Variants in PCDHGB3 observed in about 807,000 individuals in gnomAD.
PCDHGB3 encodes protocadherin gamma-B3.
Under a neutral mutation model 59.2 loss-of-function variants are expected in PCDHGB3, and 40 were observed. The ratio of observed to expected loss-of-function variants is 0.68; its 90% CI spans 0.52 to 0.88. The LOEUF (loss-of-function observed/expected upper bound fraction) is 0.88. PCDHGB3 is among the 40% of genes least tolerant of loss of function. The probability of loss-of-function intolerance (pLI) is 0.00; values close to 1 mark genes in which losing one functional copy is unlikely to be tolerated. For missense variants in PCDHGB3, 1,309 were observed against 1,187.9 expected, an observed-to-expected ratio of 1.10 and a Z score of -1.50; for synonymous variants, 581 against 503.6, an observed-to-expected ratio of 1.15 and a Z score of -2.06.
Position 141,375,159 on chromosome 5 carries a change from G to A in PCDHGB3, c.2415+2350G>A, listed in dbSNP as rs1771191060. 2.5e-6 allele frequency: 4 copies of A among 1,613,862 alleles called. No individual in the cohort carries two copies. The East Asian group carries it at 8.9e-5, about 36-fold the overall frequency. ...TCTGGAAGCAGAACAATTGCTGAAA[G>A]TGCACCTCCAGGAACAGTAATCGCC... On this transcript the variant is annotated intron_variant, in intron 1 of 3. Coordinates refer to ENST00000576222, the MANE Select transcript of PCDHGB3 (RefSeq NM_018924.5).
rs1428114565 is a variant in PCDHGB3, at chr5:141,371,460, A to G, written c.1066A>G (p.Ile356Val). 6.2e-7 allele frequency: 1 copy of G among 1,614,004 alleles called. No individual in the cohort carries two copies. Among genetic ancestry groups the G allele is most frequent in the Admixed American group, 1.7e-5 (1 of 60,022 alleles). The change falls in exon 1 of 4, where the codon ATA (isoleucine) becomes GTA (valine). Residue 356 changes from isoleucine to valine, a missense_variant. Physicochemically the swap from Ile to Val is conservative, Grantham distance 29. Transcript: ENST00000576222. Reference sequence around the variant, plus strand: ...AACCCTGGCTTCTGAATCCCAACATATACAAGAAGATGCTGAGCTGGGGAC... The same window carrying G: ...AACCCTGGCTTCTGAATCCCAACATGTACAAGAAGATGCTGAGCTGGGGAC... ...EITLASESQH[I>V]QEDAELGTAV... is the part of the protein sequence containing the mutation.
chr5:141,467,233 A>G (rs1009794220), intron 1 of PCDHGB3, among the ~76,000 whole-genome samples: 1 of 151,564 alleles, frequency 6.6e-6, no homozygotes, highest in South Asian at 2.1e-4. Flanking sequence ...TTGTATTTTT[A>G]GTAGAGATGG....
At chr5:141,416,253 A>G (rs1399251065) in intron 1 of PCDHGB3, 1 of 152,312 alleles carries the variant, frequency 6.6e-6, no homozygotes, top group Non-Finnish European at 1.5e-5. Flanking sequence ...AACTGATAAC[A>G]CTGCAGTATC....
chr5:141,476,756 C>T lies in PCDHGB3; in HGVS notation c.2416-18051C>T. On this transcript the variant is annotated intron_variant, in intron 1 of 3. Transcript: ENST00000576222. The surrounding 1 kb of genome is among the most constrained non-coding windows in gnomAD (Gnocchi z 7.6). ...ACGGGAGCCTAGTCTCCAGTTAGTGCTGACGGCGTTGGACGGAGGGACCCC... is the reference window on the plus strand; with the variant it reads ...ACGGGAGCCTAGTCTCCAGTTAGTGTTGACGGCGTTGGACGGAGGGACCCC... 3 of 1,613,928 alleles carry T rather than the reference C, an allele frequency of 1.9e-6. No homozygotes were observed. Among genetic ancestry groups the T allele is most frequent in the Non-Finnish European group, 2.5e-6 (3 of 1,180,010 alleles).
At chr5:141,507,443 G>A (rs2099860678) in intron 3 of PCDHGB3, among the ~76,000 whole-genome samples, 2 of 152,200 alleles carry the variant, frequency 1.3e-5, no homozygotes. Flanking sequence ...TACAGCTGAC[G>A]GAAGGACAGA....
Position 141,431,359 on chromosome 5 carries a change from G to A in PCDHGB3, c.2415+58550G>A. 1 of 1,614,024 alleles carries A rather than the reference G, an allele frequency of 6.2e-7. No homozygotes were observed. The highest frequency in any genetic ancestry group is 8.5e-7 in the Non-Finnish European group (1 of 1,180,030). On this transcript the variant is annotated intron_variant, in intron 1 of 3. Transcript: ENST00000576222. This position sits in a 1 kb window ranked among gnomAD's most constrained non-coding sequence, Gnocchi z 4.8. ...CCGAATTGGTGCTGAAACGCGCCCTGGACCGCGAAGAAAAGGCTGCTCACC... is the reference window on the plus strand; with the variant it reads ...CCGAATTGGTGCTGAAACGCGCCCTAGACCGCGAAGAAAAGGCTGCTCACC...
intron 1 of PCDHGB3, chr5:141,390,655 A>G (rs2092202484): frequency 4.9e-6 from 1 of 204,734 alleles, no homozygotes; most frequent in Non-Finnish European, 9.8e-6. Flanking sequence ...GCTTGGATAT[A>G]CCATAAATAT....
chr5:141,462,372 C>A (rs2099038225), intron 1 of PCDHGB3, among the ~76,000 whole-genome samples: 1 of 152,096 alleles, frequency 6.6e-6, no homozygotes, highest in African/African-American at 2.4e-5. Flanking sequence ...AGTTTCTATT[C>A]TTTTAAATTC....
intron 1 of PCDHGB3, chr5:141,393,176 A>G: frequency 1.9e-6 from 3 of 1,613,294 alleles, no homozygotes; most frequent in East Asian, 2.2e-5. Context: ...GGGTAGAAAT[A>G]GAAATAATTG....
In PCDHGB3 at chr5:141,378,383, T is replaced by G. The variant is rs559607457; in HGVS notation, c.2415+5574T>G. 8.5e-5 allele frequency: 13 copies of G among 152,064 alleles called. 1 individual carries two copies. The South Asian group carries it at 1.5e-3, about 17-fold the overall frequency. 9.4% of individuals were successfully genotyped at this position (152,064 alleles called of 1,614,324 possible). A position where few individuals can be genotyped will look rare whatever the true frequency, so the allele number is the denominator to read the frequency against. On this transcript the variant is annotated intron_variant, in intron 1 of 3. Transcript: ENST00000576222. Reference sequence around the variant, plus strand: ...ACTAAAAATACAAAAATTAGCCAGGTGGGGTGGCATGGGCCTGTAATCGCA... The same window carrying G: ...ACTAAAAATACAAAAATTAGCCAGGGGGGGTGGCATGGGCCTGTAATCGCA...
chr5:141,383,890 G>A lies in PCDHGB3; in HGVS notation c.2415+11081G>A, dbSNP rs1274384804. 3.1e-6 allele frequency: 5 copies of A among 1,613,936 alleles called. No individual in the cohort carries two copies. Among genetic ancestry groups the A allele is most frequent in the Non-Finnish European group, 4.2e-6 (5 of 1,179,896 alleles). On this transcript the variant is annotated intron_variant, in intron 1 of 3. Transcript: ENST00000576222. The stretch of plus-strand genomic sequence containing the variant: ...AGATGGTCCTGGTAGTCTGACAAAG[G>A]CAAAAGTACTGATCACAGTTTTAGA...
intron 1 of PCDHGB3, chr5:141,389,470 C>T (rs776427212): frequency 1.2e-6 from 2 of 1,613,240 alleles, no homozygotes; most frequent in East Asian, 2.2e-5. Context: ...TTCGAACTCA[C>T]ACTGCAGGCC....
intron 1 of PCDHGB3, among the ~76,000 whole-genome samples, chr5:141,453,258 T>A (rs1336801456): frequency 1.6e-4 from 25 of 152,096 alleles, no homozygotes; most frequent in Admixed American, 1.6e-3. Flanking sequence ...GGGCTGCAAG[T>A]GCACACCACC....
At chr5:141,408,969 C>G (rs1005367761) in intron 1 of PCDHGB3, 1 of 1,613,594 alleles carries the variant, frequency 6.2e-7, no homozygotes, top group African/African-American at 1.3e-5. Flanking sequence ...GAAAATCTGC[C>G]CCCTGGGTCC....
chr5:141,399,146 G>A, intron 1 of PCDHGB3: 4 of 1,613,792 alleles, frequency 2.5e-6, no homozygotes, highest in Non-Finnish European at 3.4e-6. Context: ...AATGACAATA[G>A]CCCAGAAGTT....
chr5:141,388,040 G>T (rs1561617548), intron 1 of PCDHGB3: 1 of 1,412,752 alleles, frequency 7.1e-7, no homozygotes, highest in East Asian at 2.5e-5. Context: ...ACCTCGCCAC[G>T]GACCTGGGGT....
chr5:141,410,269 G>A, intron 1 of PCDHGB3: 1 of 1,614,060 alleles, frequency 6.2e-7, no homozygotes, highest in Non-Finnish European at 8.5e-7. Flanking sequence ...CTGAACTGCA[G>A]TTTTACCTGG....
chr5:141,372,386 C>T lies in PCDHGB3; in HGVS notation c.1992C>T (p.Phe664=), dbSNP rs376952769. The T allele has an allele frequency of 2.8e-5, 45 of 1,614,038 alleles. No individual in the cohort carries two copies. Among genetic ancestry groups the T allele is most frequent in the Non-Finnish European group, 3.8e-5 (45 of 1,179,908 alleles). The part of the protein sequence containing the change: ...LSATVMLHLI[F]ADSLQEIQPD... ...CCACCGTCATGCTGCACCTAATCTT[C>T]GCAGATAGCTTGCAAGAGATACAAC... The change falls in exon 1 of 4, where the codon TTC becomes TTT. Residue 664 remains phenylalanine (F), a synonymous_variant. Transcript: ENST00000576222.
chr5:141,450,842 T>TTTTA (rs1387012749), intron 1 of PCDHGB3, among the ~76,000 whole-genome samples: 1 of 148,196 alleles, frequency 6.7e-6, no homozygotes, highest in African/African-American at 2.5e-5. Context: ...TTTTTTTTTT[T>TTTTA]GAGATGGGGT....
Sources: gnomAD v4.1 joint callset for allele counts (sites outside exome capture counted in the v4.1 genomes callset) on GRCh38, gnomAD v4.1.1 for gene constraint, Gnocchi (gnomAD v3.1) non-coding constraint, MANE v1.5 for transcripts, NCBI Gene and HGNC (gene_info 2026-07-23, HGNC 2026-07-21) for gene names.